ZFAND3: variants seen among roughly 807,000 people sequenced by gnomAD.
ZFAND3 encodes zinc finger AN1-type containing 3.
Under a neutral mutation model 29.6 loss-of-function variants are expected in ZFAND3, and 10 were observed. The observed-to-expected ratio is 0.34, with a 90% CI of 0.21 to 0.57. The LOEUF (loss-of-function observed/expected upper bound fraction) is 0.57, where lower values mean the gene tolerates loss of function less well. Among genes scored for constraint, ZFAND3 ranks in the 20% least tolerant of loss-of-function variants. ZFAND3 has a pLI of 0.86. For synonymous variants in ZFAND3, 128 were observed against 112.6 expected (o/e 1.14, Z -0.87); for missense variants, 230 against 304.5 (o/e 0.76, Z 1.82).
intron 1 of ZFAND3, among the ~76,000 whole-genome samples, chr6:37,907,207 T>C (rs1484772198): frequency 3.3e-5 from 5 of 152,122 alleles, no homozygotes; most frequent in African/African-American, 9.7e-5. Flanking sequence ...AGAATATTCC[T>C]CTCCCAACTT....
At chr6:37,820,779 T>C (rs1191726579) in intron 1 of ZFAND3, among the ~76,000 whole-genome samples, 1 of 152,198 alleles carries the variant, frequency 6.6e-6, no homozygotes, top group African/African-American at 2.4e-5. Context: ...ATAAAAATGT[T>C]GACAGTGGGT....
At chr6:38,149,792 C>G (rs1464049686) in intron 5 of ZFAND3, among the ~76,000 whole-genome samples, 1 of 152,170 alleles carries the variant, frequency 6.6e-6, no homozygotes, top group Non-Finnish European at 1.5e-5. Context: ...TTAATTCCAG[C>G]AGTAATCCAT....
chr6:38,117,598 T>A (rs1765446757), intron 5 of ZFAND3, among the ~76,000 whole-genome samples: 1 of 152,264 alleles, frequency 6.6e-6, no homozygotes, highest in African/African-American at 2.4e-5. Flanking sequence ...TAAAATTGTT[T>A]GAGGACCAGT....
intron 2 of ZFAND3, among the ~76,000 whole-genome samples, chr6:38,039,294 A>G (rs1763716589): frequency 6.6e-6 from 1 of 152,242 alleles, no homozygotes; most frequent in Non-Finnish European, 1.5e-5. Context: ...ATAGAATCTC[A>G]GTGTTTTGTC....
chr6:37,873,936 A>T (rs1368018924), intron 1 of ZFAND3, among the ~76,000 whole-genome samples: 1 of 151,980 alleles, frequency 6.6e-6, no homozygotes, highest in Admixed American at 6.5e-5. Flanking sequence ...AGAATAACAT[A>T]TTTTTTTTAA....
chr6:38,079,785 C>T (rs1164156803), intron 3 of ZFAND3, among the ~76,000 whole-genome samples: 1 of 152,046 alleles, frequency 6.6e-6, no homozygotes. Context: ...TTACATTGTG[C>T]TCAGCTGGTT....
chr6:38,091,146 A>T (rs1183260094), intron 4 of ZFAND3, among the ~76,000 whole-genome samples: 1 of 152,254 alleles, frequency 6.6e-6, no homozygotes, highest in African/African-American at 2.4e-5. Flanking sequence ...GCACTCTAGT[A>T]TAAAAACGAA....
intron 2 of ZFAND3, among the ~76,000 whole-genome samples, chr6:38,026,447 T>TTTTTTA (rs1763450975): frequency 1.1e-5 from 1 of 89,428 alleles, no homozygotes; most frequent in African/African-American, 4.0e-5. Context: ...TTTTTTTTTT[T>TTTTTTA]GAGACAAGAG....
chr6:37,965,355 T>C (rs972162187), intron 2 of ZFAND3, among the ~76,000 whole-genome samples: 3 of 152,142 alleles, frequency 2.0e-5, no homozygotes, highest in East Asian at 3.9e-4. Flanking sequence ...TGTCCTGGTG[T>C]ATACAGACAC....
chr6:37,896,727 G>A (rs765268353), intron 1 of ZFAND3, among the ~76,000 whole-genome samples: 9 of 150,766 alleles, frequency 6.0e-5, no homozygotes, highest in Non-Finnish European at 1.3e-4. Flanking sequence ...CCCTTATTGA[G>A]TTTTGGCATC....
chr6:37,837,367 G>T (rs983823798), intron 1 of ZFAND3, among the ~76,000 whole-genome samples: 7 of 152,136 alleles, frequency 4.6e-5, no homozygotes, highest in African/African-American at 1.7e-4. Context: ...TTATTTTGCT[G>T]TGTGTGATTT....
At chr6:38,037,072 G>A (rs1009790073) in intron 2 of ZFAND3, among the ~76,000 whole-genome samples, 6 of 152,114 alleles carry the variant, frequency 3.9e-5, no homozygotes, top group African/African-American at 1.4e-4. Flanking sequence ...GTTCTAAATA[G>A]GATCTAAACT....
In ZFAND3 at chr6:37,862,911, G is replaced by GT. The variant is rs765480016; in HGVS notation, c.71+42906dup. Among the ~76,000 whole-genome samples the GT allele has an allele frequency of 9.3e-3, 1,367 of 146,430 alleles. 14 individuals are homozygous for GT. The highest frequency in any genetic ancestry group is 0.027 in the African/African-American group (1,099 of 40,096). On this transcript the variant is annotated intron_variant, in intron 1 of 5. Coordinates refer to ENST00000287218, the MANE Select transcript of ZFAND3 (RefSeq NM_021943.3). Reference sequence around the variant, plus strand: ...AACTTCCAACTGATTATTTGTTAACGTTTTTTTTTTTCTCAGATGAAGCCT... The same window carrying GT: ...AACTTCCAACTGATTATTTGTTAACGTTTTTTTTTTTTCTCAGATGAAGCCT...
chr6:37,913,708 C>CTTTTTTTT (rs56045448), intron 1 of ZFAND3, among the ~76,000 whole-genome samples: 6 of 113,038 alleles, frequency 5.3e-5, no homozygotes, highest in Admixed American at 1.9e-4. Context: ...CAGCTATATT[C>CTTTTTTTT]TTTTTTTTTT....
intron 1 of ZFAND3, among the ~76,000 whole-genome samples, chr6:37,845,572 A>G (rs926526494): frequency 2.0e-5 from 3 of 152,174 alleles, no homozygotes; most frequent in African/African-American, 7.2e-5. Flanking sequence ...AACTTGTTTT[A>G]TTGCTTTTTC....
In ZFAND3 at chr6:38,004,908, T is replaced by C. The variant is rs944884203; in HGVS notation, c.113-56685T>C. On this transcript the variant is annotated intron_variant, in intron 2 of 5. Coordinates refer to ENST00000287218, the MANE Select transcript of ZFAND3 (RefSeq NM_021943.3). The stretch of plus-strand genomic sequence containing the variant: ...CAGTTCTTTTGGGGGGCTCAGTAAT[T>C]AGAGCTTACCTAAAACCCAAAATGT... Among the ~76,000 whole-genome samples, 3 of 152,188 alleles carry C rather than the reference T, an allele frequency of 2.0e-5. No individual in the cohort carries two copies. The East Asian group carries it at 5.8e-4, about 29-fold the overall frequency.
At chr6:37,904,933 G>C (rs962676367) in intron 1 of ZFAND3, among the ~76,000 whole-genome samples, 3 of 152,136 alleles carry the variant, frequency 2.0e-5, no homozygotes, top group Non-Finnish European at 2.9e-5. Context: ...TAGTGTGTAC[G>C]TGTGTGTATT....
At chr6:38,090,073 G>A (rs1315511619) in intron 4 of ZFAND3, among the ~76,000 whole-genome samples, 1 of 152,128 alleles carries the variant, frequency 6.6e-6, no homozygotes, top group Non-Finnish European at 1.5e-5. Context: ...AGCTGGTCTC[G>A]AACTCCTGAC....
chr6:38,103,577 TTC>T (rs140643193), intron 4 of ZFAND3, among the ~76,000 whole-genome samples: 4 of 141,992 alleles, frequency 2.8e-5, no homozygotes, highest in African/African-American at 7.7e-5. Flanking sequence ...CTTCTCAAGT[TTC>T]TCTCTTTTGG....
Sources: gnomAD v4.1 joint callset for allele counts (sites outside exome capture counted in the v4.1 genomes callset) on GRCh38, gnomAD v4.1.1 for gene constraint, MANE v1.5 for transcripts, NCBI Gene and HGNC (gene_info 2026-07-23, HGNC 2026-07-21) for gene names.